Variants in CLSTN2 observed in about 807,000 individuals in gnomAD.
CLSTN2 encodes the protein calsyntenin-2.
In CLSTN2, 48 loss-of-function variants were observed where a neutral mutation model predicts 101.2. The observed-to-expected ratio is 0.47, with a 90% CI of 0.38 to 0.60. The LOEUF is 0.60. CLSTN2 is among the 20% of genes least tolerant of loss of function. The pLI, the probability that CLSTN2 is intolerant of heterozygous loss-of-function variation, is 0.00. For missense variants in CLSTN2, 1,160 were observed against 1,238.2 expected (o/e 0.94, Z 0.95); for synonymous variants, 481 against 463.6 (o/e 1.04, Z -0.48).
At position 140,217,779 on chromosome 3, in the gene CLSTN2, T is replaced by A. The variant is rs115796030; in HGVS notation, c.232+41706T>A. ...TATTTGCCTTAGAAAACCAGAACAC[T>A]ATTGTTGGGCAAGAAAATGAAACTA... On this transcript the variant is annotated intron_variant, in intron 2 of 16. Transcript: ENST00000458420. 3.7e-3 allele frequency among the ~76,000 whole-genome samples: 557 copies of A among 152,296 alleles called. 3 individuals are homozygous for A. Among genetic ancestry groups the A allele is most frequent in the Middle Eastern group, 6.8e-3 (2 of 294 alleles).
intron 10 of CLSTN2, among the ~76,000 whole-genome samples, chr3:140,551,585 T>C (rs1935700229): frequency 1.3e-5 from 2 of 152,024 alleles, no homozygotes; most frequent in South Asian, 4.1e-4. Flanking sequence ...AGGAAAAAGG[T>C]GGAAGGTGCC....
Position 140,397,495 on chromosome 3 carries a change from T to C in CLSTN2, c.233-6134T>C, listed in dbSNP as rs549879205. Among the ~76,000 whole-genome samples, 57 of 152,318 alleles carry C rather than the reference T, an allele frequency of 3.7e-4. 1 individual carries two copies. Among genetic ancestry groups the C allele is most frequent in the African/African-American group, 1.3e-3 (54 of 41,554 alleles). On this transcript the variant is annotated intron_variant, in intron 2 of 16. Transcript: ENST00000458420. ...TGTAACGAAATACCTTAGAGTGGTG[T>C]CTTATAAAGAACAACAATTTATTTC...
intron 2 of CLSTN2, among the ~76,000 whole-genome samples, chr3:140,368,523 C>A (rs559187224): frequency 9.2e-5 from 14 of 152,322 alleles, no homozygotes; most frequent in African/African-American, 3.1e-4. Flanking sequence ...TCATCCCCCA[C>A]TCCAGGCCAA....
chr3:140,566,546 C>A lies in CLSTN2; in HGVS notation c.*293C>A. The A allele has an allele frequency of 2.3e-6, 1 of 431,628 alleles. No homozygotes were observed. Among genetic ancestry groups the A allele is most frequent in the South Asian group, 3.1e-5 (1 of 32,210 alleles). The allele number at this position is 431,628 out of a possible 1,614,324, so 26.7% of individuals were successfully genotyped here. The stretch of plus-strand genomic sequence containing the variant: ...CTGACTACCTGTCTGCAGAGTTTGC[C>A]TTTGTTTTTTCCTGCAGGGAAGAAG... On this transcript the variant is annotated 3_prime_UTR_variant, in exon 17 of 17. Coordinates refer to ENST00000458420, the MANE Select transcript of CLSTN2 (RefSeq NM_022131.3).
intron 1 of CLSTN2, among the ~76,000 whole-genome samples, chr3:139,983,810 A>G (rs1431553294): frequency 6.6e-6 from 1 of 152,184 alleles, no homozygotes; most frequent in East Asian, 1.9e-4. Context: ...AGTGCTATAC[A>G]TGTTAAATGA....
chr3:139,945,338 A>T (rs1478844039), intron 1 of CLSTN2, among the ~76,000 whole-genome samples: 1 of 152,204 alleles, frequency 6.6e-6, no homozygotes, highest in East Asian at 1.9e-4. Context: ...TCCTCTACCC[A>T]AGAAAGTTCT....
intron 1 of CLSTN2, among the ~76,000 whole-genome samples, chr3:140,129,616 TTTC>T (rs1353204464): frequency 1.3e-5 from 2 of 152,348 alleles, no homozygotes; most frequent in Admixed American, 1.3e-4. Context: ...GGACTGTATC[TTTC>T]TTCTGTCTCT....
intron 5 of CLSTN2, among the ~76,000 whole-genome samples, chr3:140,427,244 T>TATACATAC (rs371684488): frequency 1.6e-5 from 2 of 127,570 alleles, no homozygotes. Context: ...TATATATATA[T>TATACATAC]ACATATATAT....
chr3:140,045,233 T>G (rs1344507224), intron 1 of CLSTN2, among the ~76,000 whole-genome samples: 1 of 152,236 alleles, frequency 6.6e-6, no homozygotes, highest in Non-Finnish European at 1.5e-5. Flanking sequence ...ATTGAGGGAT[T>G]CAAGTTCTTC....
chr3:140,035,751 G>A (rs551491856), intron 1 of CLSTN2, among the ~76,000 whole-genome samples: 2 of 152,162 alleles, frequency 1.3e-5, no homozygotes, highest in East Asian at 3.8e-4. Context: ...TTCACTGACT[G>A]AACACCAAAA....
intron 1 of CLSTN2, among the ~76,000 whole-genome samples, chr3:140,144,066 G>A (rs372581935): frequency 9.9e-5 from 15 of 152,200 alleles, no homozygotes; most frequent in East Asian, 7.7e-4. Flanking sequence ...AGAGAGATGC[G>A]CTAGCAAGAG....
chr3:140,445,660 G>A (rs1040325764), intron 5 of CLSTN2, among the ~76,000 whole-genome samples: 3 of 152,172 alleles, frequency 2.0e-5, no homozygotes, highest in Admixed American at 6.5e-5. Context: ...GAAGATACAG[G>A]CCGGTGGGAT....
intron 2 of CLSTN2, among the ~76,000 whole-genome samples, chr3:140,297,647 A>G (rs1278675000): frequency 6.6e-6 from 1 of 152,228 alleles, no homozygotes; most frequent in Admixed American, 6.5e-5. Context: ...CACAGGCCAT[A>G]TAAAAATGGG....
chr3:140,254,872 A>G (rs990731072), intron 2 of CLSTN2, among the ~76,000 whole-genome samples: 2 of 152,132 alleles, frequency 1.3e-5, no homozygotes, highest in East Asian at 1.9e-4. Flanking sequence ...TAAACAGACA[A>G]CCTACAAAAT....
At chr3:140,165,939 G>C (rs1054121884) in intron 1 of CLSTN2, among the ~76,000 whole-genome samples, 2 of 152,178 alleles carry the variant, frequency 1.3e-5, no homozygotes, top group Admixed American at 6.5e-5. Flanking sequence ...GAAGGCTGAT[G>C]AGTCTGTGAA....
chr3:140,382,797 G>T (rs924417525), intron 2 of CLSTN2, among the ~76,000 whole-genome samples: 1 of 152,124 alleles, frequency 6.6e-6, no homozygotes, highest in Non-Finnish European at 1.5e-5. Context: ...TCCTCACATG[G>T]CAGAAGTGGC....
chr3:140,253,794 T>C (rs1310627370), intron 2 of CLSTN2, among the ~76,000 whole-genome samples: 1 of 152,120 alleles, frequency 6.6e-6, no homozygotes, highest in African/African-American at 2.4e-5. Flanking sequence ...CTCTTACAGT[T>C]ACAGTACCAT....
At chr3:140,228,392 G>T (rs1202478019) in intron 2 of CLSTN2, among the ~76,000 whole-genome samples, 4 of 152,226 alleles carry the variant, frequency 2.6e-5, no homozygotes, top group Non-Finnish European at 2.9e-5. Flanking sequence ...CCTCAGCCTG[G>T]ACTTTATATT....
chr3:140,369,159 T>A (rs555658118), intron 2 of CLSTN2, among the ~76,000 whole-genome samples: 6 of 152,220 alleles, frequency 3.9e-5, no homozygotes, highest in Non-Finnish European at 8.8e-5. Context: ...CTGGCTAGAT[T>A]GTTGCTGTTC....
Sources: gnomAD v4.1 joint callset for allele counts (sites outside exome capture counted in the v4.1 genomes callset) on GRCh38, gnomAD v4.1.1 for gene constraint, MANE v1.5 for transcripts, NCBI Gene and HGNC (gene_info 2026-07-23, HGNC 2026-07-21) for gene names.